THADA: variants seen among roughly 807,000 people sequenced by gnomAD.
THADA encodes THADA armadillo repeat containing.
A neutral mutation model predicts 219.8 loss-of-function variants in THADA; 213 were observed. The ratio of observed to expected loss-of-function variants is 0.97; its 90% confidence interval spans 0.87 to 1.09. The LOEUF is 1.09. THADA is among the 50% of genes least tolerant of loss of function. The probability of loss-of-function intolerance (pLI) is 0.00; values close to 1 mark genes in which losing one functional copy is unlikely to be tolerated. For synonymous variants in THADA, 1,018 were observed against 828.9 expected, an observed-to-expected ratio of 1.23 and a Z score of -3.92; for missense variants, 2,956 against 2,311.3, an observed-to-expected ratio of 1.28 and a Z score of -5.72.
chr2:43,285,070 G>C (rs956295226), intron 35 of THADA, among the ~76,000 whole-genome samples: 21 of 152,176 alleles, frequency 1.4e-4, no homozygotes, highest in African/African-American at 4.6e-4. Flanking sequence ...TGATTTTACA[G>C]GCTCATGGGT....
intron 32 of THADA, 56 bp downstream of exon 32, chr2:43,292,778 G>A: frequency 6.4e-7 from 1 of 1,561,086 alleles, no homozygotes; most frequent in South Asian, 1.2e-5. Context: ...CATTCCAGTG[G>A]CTCACAAAAG....
chr2:43,371,940 A>G (rs935080990), intron 29 of THADA: 2 of 152,180 alleles, frequency 1.3e-5, no homozygotes, highest in African/African-American at 4.8e-5. Flanking sequence ...GATGGATTAT[A>G]AAACCCAGGC....
At chr2:43,511,078 A>T (rs1436899495) in intron 22 of THADA, among the ~76,000 whole-genome samples, 1 of 152,096 alleles carries the variant, frequency 6.6e-6, no homozygotes, top group Non-Finnish European at 1.5e-5. Flanking sequence ...TAAGGTAAAG[A>T]GTACTTGATC....
intron 36 of THADA, among the ~76,000 whole-genome samples, chr2:43,267,788 A>G (rs1270743870): frequency 6.6e-6 from 1 of 152,248 alleles, no homozygotes; most frequent in African/African-American, 2.4e-5. Flanking sequence ...TAGTCTACTG[A>G]GTGCTCTGTG....
At chr2:43,443,083 C>G (rs1681050102) in intron 26 of THADA, among the ~76,000 whole-genome samples, 1 of 152,122 alleles carries the variant, frequency 6.6e-6, no homozygotes, top group Non-Finnish European at 1.5e-5. Context: ...ATGAAACTTC[C>G]TGTTTTCTTG....
At chr2:43,263,400 TG>T (rs201791678) in intron 36 of THADA, among the ~76,000 whole-genome samples, 2 of 148,994 alleles carry the variant, frequency 1.3e-5, no homozygotes, top group Non-Finnish European at 3.0e-5. Flanking sequence ...GGTGGGTGAT[TG>T]GGGGGGCATT....
chr2:43,538,342 T>A (rs1694869860), intron 21 of THADA: 1 of 152,208 alleles, frequency 6.6e-6, no homozygotes, highest in Admixed American at 6.5e-5. Context: ...TCCCTCAAAG[T>A]TGGTTTTATC....
chr2:43,540,304 A>G (rs1299027461), intron 21 of THADA, among the ~76,000 whole-genome samples: 1 of 152,212 alleles, frequency 6.6e-6, no homozygotes, highest in African/African-American at 2.4e-5. Flanking sequence ...GCAACATCAC[A>G]AGCGCAGCTG....
At chr2:43,341,592 A>C (rs1364619344) in intron 30 of THADA, among the ~76,000 whole-genome samples, 1 of 152,174 alleles carries the variant, frequency 6.6e-6, no homozygotes, top group Non-Finnish European at 1.5e-5. Context: ...AAGCCAGTGG[A>C]TAATGACTTT....
intron 20 of THADA, among the ~76,000 whole-genome samples, chr2:43,548,234 T>G (rs1467219958): frequency 6.6e-6 from 1 of 152,192 alleles, no homozygotes. Context: ...AAGTTTTGTC[T>G]CAGAGGGGTA....
In THADA at chr2:43,301,091, G is replaced by C. The variant is rs1427155939; in HGVS notation, c.4439-7878C>G. 2.6e-5 allele frequency among the ~76,000 whole-genome samples: 4 copies of C among 152,196 alleles called. No homozygotes were observed. The East Asian group carries it at 7.7e-4, about 29-fold the overall frequency. On this transcript the variant is annotated intron_variant, in intron 31 of 37. Transcript: ENST00000405975. Reference sequence around the variant, plus strand: ...GTTGGTTTCAAGTTGGGCGCAGACAGCTGTAATCTTAAGAACTGGCAGGTA... The same window carrying C: ...GTTGGTTTCAAGTTGGGCGCAGACACCTGTAATCTTAAGAACTGGCAGGTA...
intron 36 of THADA, among the ~76,000 whole-genome samples, chr2:43,244,812 C>T (rs978402851): frequency 3.9e-5 from 6 of 152,208 alleles, no homozygotes; most frequent in Non-Finnish European, 5.9e-5. Context: ...CCAGAGGGTT[C>T]GATCGCCTCC....
At chr2:43,332,017 A>G (rs1665844525) in intron 30 of THADA, among the ~76,000 whole-genome samples, 1 of 151,944 alleles carries the variant, frequency 6.6e-6, no homozygotes, top group South Asian at 2.1e-4. Context: ...GACCTTCACA[A>G]TTTACTTGGC....
At chr2:43,351,496 C>G (rs953963769) in intron 29 of THADA, among the ~76,000 whole-genome samples, 1 of 152,226 alleles carries the variant, frequency 6.6e-6, no homozygotes, top group Non-Finnish European at 1.5e-5. Flanking sequence ...CTTTCCTCAA[C>G]TACCCCCACT....
At chr2:43,319,882 T>C (rs1678493760) in intron 31 of THADA, among the ~76,000 whole-genome samples, 1 of 152,160 alleles carries the variant, frequency 6.6e-6, no homozygotes, top group Admixed American at 6.6e-5. Context: ...GGAGTTGCCA[T>C]TTTCCCTTAA....
intron 28 of THADA, among the ~76,000 whole-genome samples, chr2:43,417,866 C>T (rs185182581): frequency 1.3e-5 from 2 of 152,170 alleles, no homozygotes; most frequent in African/African-American, 2.4e-5. Flanking sequence ...ACATTCCCCC[C>T]CTCTGTGGAA....
chr2:43,352,303 A>T (rs770517279), intron 29 of THADA, among the ~76,000 whole-genome samples: 10 of 152,210 alleles, frequency 6.6e-5, no homozygotes, highest in Non-Finnish European at 1.2e-4. Context: ...CATGCCTGTA[A>T]TCCCAGCACT....
chr2:43,260,988 CTT>C (rs1030214612), intron 36 of THADA, among the ~76,000 whole-genome samples: 1 of 151,356 alleles, frequency 6.6e-6, no homozygotes, highest in African/African-American at 2.4e-5. Context: ...ATTTTAATAA[CTT>C]TTATCTAATA....
rs771123263 is a variant in THADA at position 43,505,615 on chromosome 2, T to C, written c.3621+7A>G. 10 of 1,565,056 alleles carry C rather than the reference T, an allele frequency of 6.4e-6. No individual in the cohort carries two copies. Among genetic ancestry groups the C allele is most frequent in the Non-Finnish European group, 8.7e-6 (10 of 1,147,538 alleles). On this transcript the variant is annotated splice_region_variant and intron_variant, in intron 24 of 37. Transcript: ENST00000405975. ...ACACTGGAGGGTTTGTGTATTTCCA[T>C]GATTACCTGGGGGACTGTACTCTGT...
Sources: gnomAD v4.1 joint callset for allele counts (sites outside exome capture counted in the v4.1 genomes callset) on GRCh38, gnomAD v4.1.1 for gene constraint, MANE v1.5 for transcripts, NCBI Gene and HGNC (gene_info 2026-07-23, HGNC 2026-07-21) for gene names.